MCRIP1: variants seen among roughly 807,000 people sequenced by gnomAD.
MCRIP1 encodes MAPK regulated corepressor interacting protein 1.
MCRIP1 carries 10 observed loss-of-function variants against 14.4 expected under a neutral mutation model. The ratio of observed to expected loss-of-function variants is 0.70; its 90% CI spans 0.43 to 1.18. MCRIP1 has a LOEUF of 1.18. Ranked by LOEUF, MCRIP1 falls within the 50% of genes most tolerant of loss-of-function variation. MCRIP1 has a pLI of 0.00. For synonymous variants in MCRIP1, 53 were observed against 55.7 expected, an observed-to-expected ratio of 0.95 and a Z score of 0.21; for missense variants, 119 against 135.4, an observed-to-expected ratio of 0.88 and a Z score of 0.60.
intron 1 of MCRIP1, chr17:81,824,798 A>C: frequency 7.2e-7 from 1 of 1,396,706 alleles, no homozygotes; most frequent in Non-Finnish European, 9.3e-7. Flanking sequence ...ACTTGAAGCG[A>C]TCAAGCCCGC....
At chr17:81,830,305 G>C (rs1190726228) in intron 1 of MCRIP1, among the ~76,000 whole-genome samples, 1 of 152,248 alleles carries the variant, frequency 6.6e-6, no homozygotes, top group East Asian at 1.9e-4. Context: ...GACAGGACAA[G>C]CATGTGCTGT....
intron 1 of MCRIP1, chr17:81,825,574 G>A (rs1255148582): frequency 7.8e-7 from 1 of 1,289,032 alleles, no homozygotes; most frequent in South Asian, 1.2e-5. Flanking sequence ...GAGGCTTCGA[G>A]TCCTCTCTGG....
Position 81,826,305 on chromosome 17 carries a change from GCATA to G in MCRIP1, c.-48-1755_-48-1752del. On this transcript the variant is annotated intron_variant, in intron 1 of 4. Transcript: ENST00000455127. Reference sequence around the variant, plus strand: ...AGCTGAATACATCTGCCACACACATGCATACAACCGCCCGCACACACCTGTCTGT... The same window carrying G: ...AGCTGAATACATCTGCCACACACATGCAACCGCCCGCACACACCTGTCTGT... 2.0e-6 allele frequency: 3 copies of G among 1,535,128 alleles called. No homozygotes were observed. In the South Asian group the frequency reaches 3.6e-5, roughly 18 times the overall value.
intron 1 of MCRIP1, among the ~76,000 whole-genome samples, chr17:81,828,559 C>T (rs1449023536): frequency 2.0e-5 from 3 of 152,074 alleles, no homozygotes; most frequent in Admixed American, 6.6e-5. Context: ...TCGTAATTAC[C>T]CAAAGGGAAG....
chr17:81,828,365 C>T (rs537650636), intron 1 of MCRIP1, among the ~76,000 whole-genome samples: 6 of 147,584 alleles, frequency 4.1e-5, no homozygotes, highest in Non-Finnish European at 7.4e-5. Context: ...GCACAATAAA[C>T]GGTTCTGCAG....
intron 1 of MCRIP1, chr17:81,826,199 C>G: frequency 6.6e-7 from 1 of 1,515,616 alleles, no homozygotes; most frequent in Non-Finnish European, 8.8e-7. Flanking sequence ...AGCAACTACC[C>G]TTCCGGGGCT....
chr17:81,827,776 A>ATTTT (rs757592037), intron 1 of MCRIP1, among the ~76,000 whole-genome samples: 5 of 110,772 alleles, frequency 4.5e-5, no homozygotes, highest in African/African-American at 7.5e-5. Flanking sequence ...GCACCCATAC[A>ATTTT]TTTTTTTTTT....
At chr17:81,825,789 C>T (rs1413794453) in intron 1 of MCRIP1, 2 of 1,289,448 alleles carry the variant, frequency 1.6e-6, no homozygotes, top group Non-Finnish European at 2.0e-6. Flanking sequence ...AGTCACCTCT[C>T]CTTTCTTGGA....
intron 1 of MCRIP1, chr17:81,826,202 C>T: frequency 6.6e-7 from 1 of 1,516,916 alleles, no homozygotes; most frequent in East Asian, 2.5e-5. Flanking sequence ...AACTACCCTT[C>T]CGGGGCTCCC....
chr17:81,827,775 CATT>C (rs967908106), intron 1 of MCRIP1, among the ~76,000 whole-genome samples: 8 of 134,588 alleles, frequency 5.9e-5, no homozygotes, highest in African/African-American at 1.7e-4. Flanking sequence ...TGCACCCATA[CATT>C]TTTTTTTTTT....
Position 81,823,319 on chromosome 17 carries a change from G to A in MCRIP1, c.230-8C>T, listed in dbSNP as rs749039677. 2.0e-6 allele frequency: 3 copies of A among 1,536,954 alleles called. No homozygotes were observed. The highest frequency in any genetic ancestry group is 1.2e-5 in the South Asian group (1 of 84,062). On this transcript the variant is annotated splice_polypyrimidine_tract_variant and splice_region_variant and intron_variant, in intron 4 of 4. Transcript: ENST00000455127. This position sits in a 1 kb window ranked among gnomAD's most constrained non-coding sequence, Gnocchi z 6.0. ...GGTCGATGGGCTTGAAGGCTGCCAG[G>A]GGACAACGCGGTAGGTGGTGGGCAC...
At position 81,823,817 on chromosome 17, in the gene MCRIP1, T is replaced by C. The variant is rs1229532056; in HGVS notation, c.128-304A>G. On this transcript the variant is annotated intron_variant, in intron 3 of 4. Transcript: ENST00000455127. The surrounding 1 kb of genome is among the most constrained non-coding windows in gnomAD (Gnocchi z 6.0). ...GCAGCGCATCCTCCTCAGCTAGGCC[T>C]CTATCTTTCCCACCTCATCCACGCA... 7.0e-6 allele frequency: 4 copies of C among 572,642 alleles called. No individual in the cohort carries two copies. Among genetic ancestry groups the C allele is most frequent in the Middle Eastern group, 4.6e-4 (1 of 2,194 alleles). 35.5% of individuals were successfully genotyped at this position (572,642 alleles called of 1,614,324 possible). A position where few individuals can be genotyped will look rare whatever the true frequency, so the allele number is the denominator to read the frequency against.
At chr17:81,826,817 C>A (rs1397649577) in intron 1 of MCRIP1, among the ~76,000 whole-genome samples, 576 of 46,106 alleles carry the variant, frequency 0.012, no homozygotes, top group Middle Eastern at 0.025. Flanking sequence ...GACTCCATCT[C>A]AAAAAAAAAA....
rs1235105434 is a variant in MCRIP1 at position 81,823,839 on chromosome 17, C to T, written c.128-326G>A. ...GCCTCTATCTTTCCCACCTCATCCACGCACCTCCCCGGCCCCAGCACACGG... is the reference window on the plus strand; with the variant it reads ...GCCTCTATCTTTCCCACCTCATCCATGCACCTCCCCGGCCCCAGCACACGG... On this transcript the variant is annotated intron_variant, in intron 3 of 4. Coordinates refer to ENST00000455127, the MANE Select transcript of MCRIP1 (RefSeq NM_207368.5). The surrounding 1 kb of genome is among the most constrained non-coding windows in gnomAD (Gnocchi z 6.0). 4 of 556,486 alleles carry T rather than the reference C, an allele frequency of 7.2e-6. No homozygotes were observed. The highest frequency in any genetic ancestry group is 3.0e-5 in the East Asian group (1 of 32,860). The allele number at this position is 556,486 out of a possible 1,614,324, so 34.5% of individuals were successfully genotyped here.
intron 1 of MCRIP1, chr17:81,825,093 C>A: frequency 9.9e-7 from 1 of 1,013,876 alleles, no homozygotes; most frequent in Non-Finnish European, 1.2e-6. Flanking sequence ...CGGCACCTAC[C>A]CAGGTCCAGC....
At position 81,824,862 on chromosome 17, in the gene MCRIP1, A is replaced by G. The variant is rs374704306; in HGVS notation, c.-48-308T>C. Reference sequence around the variant, plus strand: ...GCTCAGACGTGGAGGCCTCAGCCCCAGCACCGGGAGCACTGTGGCCAGAGC... The same window carrying G: ...GCTCAGACGTGGAGGCCTCAGCCCCGGCACCGGGAGCACTGTGGCCAGAGC... On this transcript the variant is annotated intron_variant, in intron 1 of 4. Coordinates refer to ENST00000455127, the MANE Select transcript of MCRIP1 (RefSeq NM_207368.5). 311 of 1,263,774 alleles carry G rather than the reference A, an allele frequency of 2.5e-4. No homozygotes were observed. The Middle Eastern group carries it at 2.8e-3, about 11-fold the overall frequency. The allele number at this position is 1,263,774 out of a possible 1,614,324, so 78.3% of individuals were successfully genotyped here. A position where few individuals can be genotyped will look rare whatever the true frequency, so the allele number is the denominator to read the frequency against.
Position 81,823,377 on chromosome 17 carries a change from G to C in MCRIP1, c.229+35C>G. ...TCCTGCCCATGAGGCCCGGCCTGCC[G>C]GCCCAGCCCTGCCCCCAGGTCAGCC... On this transcript the variant is annotated intron_variant, in intron 4 of 4. Transcript: ENST00000455127. This position sits in a 1 kb window ranked among gnomAD's most constrained non-coding sequence, Gnocchi z 6.0. The C allele has an allele frequency of 6.5e-7, 1 of 1,536,160 alleles. No individual in the cohort carries two copies. Among genetic ancestry groups the C allele is most frequent in the Non-Finnish European group, 8.7e-7 (1 of 1,146,384 alleles).
intron 1 of MCRIP1, among the ~76,000 whole-genome samples, chr17:81,832,992 G>A (rs1191382567): frequency 6.6e-6 from 1 of 151,810 alleles, no homozygotes; most frequent in African/African-American, 2.4e-5. Flanking sequence ...CGGGAAAGGC[G>A]CTCAGTCCGA....
At chr17:81,824,591 C>T (rs1272469589) in intron 1 of MCRIP1, 37 bp from the exon 2 acceptor site, 4 of 1,535,678 alleles carry the variant, frequency 2.6e-6, no homozygotes, top group Non-Finnish European at 3.5e-6. Flanking sequence ...GGACGCAGGG[C>T]CACCCTCTCC....
Sources: allele counts gnomAD v4.1 joint callset (sites outside exome capture counted in the v4.1 genomes callset), GRCh38; gene constraint gnomAD v4.1.1; non-coding constraint Gnocchi (gnomAD v3.1); transcripts MANE v1.5; gene names NCBI Gene and HGNC (gene_info 2026-07-23, HGNC 2026-07-21).